Variants in RIC8B observed in about 807,000 individuals in gnomAD.
RIC8B encodes the protein chaperone Ric-8B.
In RIC8B, 16 loss-of-function variants were observed where a neutral mutation model predicts 57.5. The ratio of observed to expected loss-of-function variants is 0.28; its 90% CI spans 0.19 to 0.42. RIC8B has a LOEUF of 0.42. Among genes scored for constraint, RIC8B ranks in the 10% least tolerant of loss-of-function variants. The pLI is 1.00. For missense variants in RIC8B, 481 were observed against 677.0 expected (o/e 0.71, Z 3.21); for synonymous variants, 216 against 250.8 (o/e 0.86, Z 1.31).
In RIC8B at chr12:106,794,739, G is replaced by T. The variant is rs532265983; in HGVS notation, c.132+10695G>T. 2.0e-5 allele frequency among the ~76,000 whole-genome samples: 3 copies of T among 152,262 alleles called. No individual in the cohort carries two copies. The South Asian group carries it at 6.2e-4, about 32-fold the overall frequency. On this transcript the variant is annotated intron_variant, in intron 2 of 9. Coordinates refer to ENST00000392837, the MANE Select transcript of RIC8B (RefSeq NM_001330145.2). ...GATAAACAAAAAACTGAAAGAATTT[G>T]TTGCTAGCTGACTCACCTTACAAGA...
At chr12:106,780,707 G>A (rs938986321) in intron 1 of RIC8B, among the ~76,000 whole-genome samples, 1 of 152,208 alleles carries the variant, frequency 6.6e-6, no homozygotes, top group Non-Finnish European at 1.5e-5. Flanking sequence ...TCATGAAACA[G>A]CACAACATAC....
At chr12:106,883,937 C>G (rs1421148253) in intron 9 of RIC8B, among the ~76,000 whole-genome samples, 1 of 152,178 alleles carries the variant, frequency 6.6e-6, no homozygotes, top group African/African-American at 2.4e-5. Flanking sequence ...ATTCCCCAAA[C>G]ACTGGGCCCT....
chr12:106,841,219 C>T lies in RIC8B; in HGVS notation c.837-1370C>T, dbSNP rs1018693015. On this transcript the variant is annotated intron_variant, in intron 4 of 9. Coordinates refer to ENST00000392837, the MANE Select transcript of RIC8B (RefSeq NM_001330145.2). ...GGTTTTAGTGAGGGCAATCAAATAA[C>T]TTGTATTTTACTAGGAACCATTTAT... Among the ~76,000 whole-genome samples, 31 of 152,242 alleles carry T rather than the reference C, an allele frequency of 2.0e-4. No individual in the cohort carries two copies. In the South Asian group the frequency reaches 4.1e-3, roughly 20 times the overall value.
intron 1 of RIC8B, among the ~76,000 whole-genome samples, chr12:106,778,622 A>G (rs771536661): frequency 6.6e-6 from 1 of 152,228 alleles, no homozygotes; most frequent in Non-Finnish European, 1.5e-5. Context: ...AGATGGAAGT[A>G]TTCTATATAC....
At chr12:106,811,077 T>C (rs570758434) in intron 2 of RIC8B, among the ~76,000 whole-genome samples, 1 of 152,256 alleles carries the variant, frequency 6.6e-6, no homozygotes, top group South Asian at 2.1e-4. Flanking sequence ...AAACAAGTAA[T>C]ATGCCTCACA....
intron 7 of RIC8B, among the ~76,000 whole-genome samples, chr12:106,852,994 A>G (rs1369745295): frequency 3.9e-5 from 6 of 152,214 alleles, no homozygotes; most frequent in African/African-American, 7.2e-5. Flanking sequence ...ATGTGTATCT[A>G]TTCATTTTAA....
chr12:106,833,749 T>A (rs1004371858), intron 4 of RIC8B, among the ~76,000 whole-genome samples: 2 of 152,160 alleles, frequency 1.3e-5, no homozygotes, highest in African/African-American at 4.8e-5. Flanking sequence ...TGTTTGGATA[T>A]TTTGTCCCCA....
At chr12:106,776,124 T>C (rs926913130) in intron 1 of RIC8B, among the ~76,000 whole-genome samples, 1 of 152,182 alleles carries the variant, frequency 6.6e-6, no homozygotes, top group Non-Finnish European at 1.5e-5. Context: ...CACTGAGAGA[T>C]AGAGCTGAGA....
chr12:106,774,911 C>G (rs947719381), intron 1 of RIC8B, 82 bp downstream of exon 1: 62 of 1,047,310 alleles, frequency 5.9e-5, no homozygotes, highest in Non-Finnish European at 6.8e-5. Context: ...TTCCCCACCC[C>G]CCTCATTCCG....
chr12:106,848,273 C>T (rs1566130431), intron 6 of RIC8B, among the ~76,000 whole-genome samples: 2 of 152,158 alleles, frequency 1.3e-5, no homozygotes. Flanking sequence ...GTCTGTGTGT[C>T]TGTAACAGCA....
intron 2 of RIC8B, chr12:106,797,837 TAAA>T: frequency 4.2e-6 from 2 of 474,730 alleles, no homozygotes; most frequent in South Asian, 4.0e-5. Context: ...TCGCTGAAAA[TAAA>T]GAAGTTGGAG....
chr12:106,780,885 GC>G (rs1281722142), intron 1 of RIC8B, among the ~76,000 whole-genome samples: 1 of 152,160 alleles, frequency 6.6e-6, no homozygotes, highest in African/African-American at 2.4e-5. Context: ...TGTGCAAGGT[GC>G]CATGCTTATA....
At chr12:106,815,370 C>T (rs962178130) in intron 3 of RIC8B, 66 bp downstream of exon 3, 26 of 1,483,712 alleles carry the variant, frequency 1.8e-5, no homozygotes, top group Non-Finnish European at 2.3e-5. Context: ...CCTAGAGTTT[C>T]CTGCAAGAGA....
chr12:106,796,098 A>T (rs1287095131), intron 2 of RIC8B, among the ~76,000 whole-genome samples: 1 of 152,192 alleles, frequency 6.6e-6, no homozygotes, highest in Non-Finnish European at 1.5e-5. Context: ...TACAGATTCA[A>T]CGCAATACCT....
chr12:106,803,214 TCAAAAAAAAAA>T (rs1178838759), intron 2 of RIC8B, among the ~76,000 whole-genome samples: 2 of 84,278 alleles, frequency 2.4e-5, no homozygotes, highest in East Asian at 3.7e-4. Flanking sequence ...ATACCCTGTC[TCAAAAAAAAAA>T]AAAAAAAAAA....
chr12:106,833,373 G>A (rs1458368868), intron 4 of RIC8B, among the ~76,000 whole-genome samples: 2 of 152,066 alleles, frequency 1.3e-5, no homozygotes, highest in African/African-American at 2.4e-5. Context: ...AGGCTGAGGT[G>A]GGCAGATCAC....
intron 3 of RIC8B, among the ~76,000 whole-genome samples, chr12:106,817,274 A>C (rs1310903920): frequency 6.6e-6 from 1 of 152,232 alleles, no homozygotes; most frequent in Admixed American, 6.5e-5. Flanking sequence ...TAGGTAATAA[A>C]TCAGTAAACA....
chr12:106,774,882 G>C (rs1566018297), intron 1 of RIC8B, 53 bp downstream of exon 1: 2 of 1,343,842 alleles, frequency 1.5e-6, no homozygotes, highest in African/African-American at 2.9e-5. Context: ...GCCGCCCTCC[G>C]TGCTTGCACA....
intron 8 of RIC8B, among the ~76,000 whole-genome samples, chr12:106,869,864 A>G (rs1475906716): frequency 6.6e-6 from 1 of 152,188 alleles, no homozygotes; most frequent in Non-Finnish European, 1.5e-5. Flanking sequence ...ACTTGAACCC[A>G]GGAAGCAGAG....
Sources: gnomAD v4.1 joint callset for allele counts (sites outside exome capture counted in the v4.1 genomes callset) on GRCh38, gnomAD v4.1.1 for gene constraint, MANE v1.5 for transcripts, NCBI Gene and HGNC (gene_info 2026-07-23, HGNC 2026-07-21) for gene names.